Variants in ARMC6 observed in about 807,000 individuals in gnomAD.
ARMC6 encodes the protein armadillo repeat-containing protein 6.
Under a neutral mutation model 49.2 loss-of-function variants are expected in ARMC6, and 43 were observed. That is an observed-to-expected ratio of 0.87 (90% confidence interval 0.69 to 1.13). The LOEUF (loss-of-function observed/expected upper bound fraction) is 1.13. Among genes scored for constraint, ARMC6 ranks in the 50% most tolerant of loss-of-function variants. The pLI, the probability that ARMC6 is intolerant of heterozygous loss-of-function variation, is 0.00. For synonymous variants in ARMC6, 262 were observed against 289.6 expected, an observed-to-expected ratio of 0.90 and a Z score of 0.97; for missense variants, 627 against 682.0, an observed-to-expected ratio of 0.92 and a Z score of 0.90.
chr19:19,038,891 G>A (rs1213630696), intron 2 of ARMC6, among the ~76,000 whole-genome samples: 1 of 88,326 alleles, frequency 1.1e-5, no homozygotes, highest in African/African-American at 4.8e-5. Flanking sequence ...AGGTGGGTTT[G>A]TGTGTATACA....
In ARMC6 at chr19:19,043,973, C is replaced by T. The variant is rs768836803; in HGVS notation, c.197-19C>T. 2 of 1,611,946 alleles carry T rather than the reference C, an allele frequency of 1.2e-6. No homozygotes were observed. Among genetic ancestry groups the T allele is most frequent in the African/African-American group, 2.7e-5 (2 of 74,868 alleles). On this transcript the variant is annotated intron_variant, in intron 3 of 8. Coordinates refer to ENST00000535612, the MANE Select transcript of ARMC6 (RefSeq NM_001199196.2). ...TTTCTTTCTGACCCCTGTGTGCTTGCTTCCCCCACCCCCAACAGGGGTTGA... is the reference window on the plus strand; with the variant it reads ...TTTCTTTCTGACCCCTGTGTGCTTGTTTCCCCCACCCCCAACAGGGGTTGA...
chr19:19,039,760 G>A (rs1052880761), intron 2 of ARMC6, among the ~76,000 whole-genome samples: 43 of 152,140 alleles, frequency 2.8e-4, no homozygotes, highest in Admixed American at 2.3e-3. Flanking sequence ...ACCACCATGC[G>A]CACAGACCAT....
At chr19:19,054,419 G>A (rs549291312) in intron 6 of ARMC6, 98 bp downstream of exon 6, 665 of 1,286,338 alleles carry the variant, frequency 5.2e-4, no homozygotes, top group Non-Finnish European at 6.3e-4. Flanking sequence ...TGCCAGTGTC[G>A]GAACCAAAGT....
chr19:19,057,795 A>G lies in ARMC6; in HGVS notation c.*167A>G, dbSNP rs758826073. On this transcript the variant is annotated 3_prime_UTR_variant, in exon 9 of 9. Coordinates refer to ENST00000535612, the MANE Select transcript of ARMC6 (RefSeq NM_001199196.2). The stretch of plus-strand genomic sequence containing the variant: ...CGGGGGAGGGGGGAGCCTTGTAGGG[A>G]GGCCTCTACACAGAAGAAAGCAGCC... 1 of 816,168 alleles carries G rather than the reference A, an allele frequency of 1.2e-6. No homozygotes were observed. Among genetic ancestry groups the G allele is most frequent in the South Asian group, 1.3e-5 (1 of 74,502 alleles). The allele number at this position is 816,168 out of a possible 1,614,324, so 50.6% of individuals were successfully genotyped here.
In ARMC6 at chr19:19,052,104, C is replaced by T. The variant is rs374501191; in HGVS notation, c.762C>T (p.Asp254=). 1 of 1,613,944 alleles carries T rather than the reference C, an allele frequency of 6.2e-7. No homozygotes were observed. The highest frequency in any genetic ancestry group is 8.5e-7 in the Non-Finnish European group (1 of 1,180,046). The change falls in exon 5 of 9, where the codon GAC becomes GAT. Residue 254 remains aspartate (D), a synonymous_variant. Coordinates refer to ENST00000535612, the MANE Select transcript of ARMC6 (RefSeq NM_001199196.2). ...WALRVMTFDD[D]IRVPFGHAHN... ...TGCGTGTCATGACCTTCGATGACGA[C>T]ATCCGTGTGCCCTTTGGCCATGCCC...
chr19:19,038,894 T>C (rs1296018304), intron 2 of ARMC6, among the ~76,000 whole-genome samples: 2 of 82,944 alleles, frequency 2.4e-5, no homozygotes, highest in East Asian at 3.6e-4. Flanking sequence ...TGGGTTTGTG[T>C]GTATACACAC....
chr19:19,054,368 G>C (rs2059525747), intron 6 of ARMC6, 47 bp downstream of exon 6: 1 of 1,454,444 alleles, frequency 6.9e-7, no homozygotes, highest in Admixed American at 2.4e-5. Context: ...CTGGGTCCCA[G>C]TCAACCGGAC....
At chr19:19,056,057 C>T in intron 8 of ARMC6, 129 bp downstream of exon 8, 5 of 1,068,942 alleles carry the variant, frequency 4.7e-6, no homozygotes, top group South Asian at 2.4e-5. Context: ...ATCCCTATCC[C>T]TGTCCCTGTC....
chr19:19,055,872 G>C lies in ARMC6; in HGVS notation c.1237G>C (p.Gly413Arg). ...DNSRIIVEGGGAVAALQAMKA... is the reference protein window; with the variant it reads ...DNSRIIVEGGRAVAALQAMKA... ...CAGCCGCATCATCGTGGAGGGTGGC[G>C]GGGCTGTGGCAGCACTGCAGGCCAT... The change falls in exon 8 of 9, where the codon GGG (glycine) becomes CGG (arginine). Residue 413 changes from glycine (G) to arginine (R), a missense_variant. Transcript: ENST00000535612. This position sits in a 1 kb window ranked among gnomAD's most constrained non-coding sequence, Gnocchi z 5.7. The C allele has an allele frequency of 6.2e-7, 1 of 1,613,050 alleles. No individual in the cohort carries two copies. The highest frequency in any genetic ancestry group is 1.1e-5 in the South Asian group (1 of 91,022).
rs1385305689 is a variant in ARMC6 at position 19,057,521 on chromosome 19, G to A, written c.1399G>A (p.Ala467Thr). ...GGCACTCATCATGCAGGCCCGATCT[G>A]CCCACCGTGACTGTGAGGACGTGGC... is the stretch of plus-strand genomic sequence containing the variant. ...AEALIMQARSAHRDCEDVAKA... is the reference protein window; with the variant it reads ...AEALIMQARSTHRDCEDVAKA... The change falls in exon 9 of 9, where the codon GCC (alanine) becomes ACC (threonine). Residue 467 changes from alanine (A) to threonine (T), a missense_variant. Coordinates refer to ENST00000535612, the MANE Select transcript of ARMC6 (RefSeq NM_001199196.2). 12 of 1,613,986 alleles carry A rather than the reference G, an allele frequency of 7.4e-6. No individual in the cohort carries two copies. The highest frequency in any genetic ancestry group is 1.0e-5 in the Non-Finnish European group (12 of 1,180,012).
chr19:19,056,560 A>C (rs145364059), intron 8 of ARMC6, among the ~76,000 whole-genome samples: 2,194 of 152,040 alleles, frequency 0.014, 48 homozygotes, highest in African/African-American at 0.048. Context: ...CCGCACCCTT[A>C]ATCTCCTTTT....
In ARMC6 at chr19:19,051,689, G is replaced by C. The variant is rs754786135; in HGVS notation, c.347G>C (p.Arg116Pro). 2 of 1,613,658 alleles carry C rather than the reference G, an allele frequency of 1.2e-6. No homozygotes were observed. The highest frequency in any genetic ancestry group is 1.3e-5 in the African/African-American group (1 of 74,896). Residue 116 changes from arginine to proline, a missense_variant, in exon 5 of 9, where the codon CGC becomes CCC. By Grantham distance (103) the Arg-to-Pro change is moderately radical. Transcript: ENST00000535612. ...RPQEVSAYLT[R>P]FCDQCKQDKA... is the part of the protein sequence containing the mutation. The stretch of plus-strand genomic sequence containing the variant: ...CAGGAGGTGTCAGCATACCTCACCC[G>C]CTTCTGCGACCAGTGCAAACAGGAC...
In ARMC6 at chr19:19,046,979, ACTCTCACT is replaced by A. The variant is rs2059457398; in HGVS notation, c.279+2908_279+2915del. Among the ~76,000 whole-genome samples the A allele has an allele frequency of 5.8e-5, 7 of 120,610 alleles. 1 individual carries two copies. The South Asian group carries it at 1.9e-3, about 32-fold the overall frequency. The allele number at this position is 120,610 out of a possible 152,430, so 79.1% of individuals were successfully genotyped here. On this transcript the variant is annotated intron_variant, in intron 4 of 8. Coordinates refer to ENST00000535612, the MANE Select transcript of ARMC6 (RefSeq NM_001199196.2). ...TCTTTTTTTTTTTTTTTTGACACAA[ACTCTCACT>A]CTGTCACCCATGCTAGAGTGCAATG...
rs1228259282 is a variant in ARMC6, at chr19:19,052,096, G to A, written c.754G>A (p.Asp252Asn). The change falls in exon 5 of 9, where the codon GAT (aspartate) becomes AAT (asparagine). Residue 252 changes from aspartate (D) to asparagine (N), a missense_variant. Transcript: ENST00000535612. ...ACWALRVMTF[D>N]DDIRVPFGHA... ...CTGGGCCCTGCGTGTCATGACCTTC[G>A]ATGACGACATCCGTGTGCCCTTTGG... is the stretch of plus-strand genomic sequence containing the variant. 3.1e-6 allele frequency: 5 copies of A among 1,613,790 alleles called. No homozygotes were observed. In the South Asian group the frequency reaches 3.3e-5, roughly 11 times the overall value.
intron 4 of ARMC6, 69 bp downstream of exon 4, chr19:19,044,143 C>T (rs879817122): frequency 1.3e-5 from 19 of 1,469,576 alleles, no homozygotes; most frequent in Non-Finnish European, 1.8e-5. Flanking sequence ...TCCCTGTTTC[C>T]TGGATGGCAG....
At chr19:19,034,030 G>GAA (rs3214142) in intron 1 of ARMC6, 100 bp downstream of exon 1, 7,983 of 522,950 alleles carry the variant, frequency 0.015, 468 homozygotes, top group African/African-American at 0.14. Flanking sequence ...GGTTTGGGGG[G>GAA]AAAAAAAAAA....
chr19:19,051,926 C>G lies in ARMC6; in HGVS notation c.584C>G (p.Thr195Ser). 1 of 1,614,164 alleles carries G rather than the reference C, an allele frequency of 6.2e-7. No homozygotes were observed. The highest frequency in any genetic ancestry group is 8.5e-7 in the Non-Finnish European group (1 of 1,180,038). ...CAGAATGCTGATGAGGCTGACCTGA[C>G]CTGCTCTGGGATCCGCTGTGTGCGT... ...LTQNADEADL[T>S]CSGIRCVRHA... The change falls in exon 5 of 9, where the codon ACC becomes AGC. Residue 195 changes from threonine to serine, a missense_variant. By Grantham distance (58) the Thr-to-Ser change is moderately conservative (BLOSUM62 1). Transcript: ENST00000535612.
intron 4 of ARMC6, among the ~76,000 whole-genome samples, chr19:19,045,077 C>G (rs2039916826): frequency 1.3e-5 from 2 of 152,144 alleles, no homozygotes; most frequent in Admixed American, 6.5e-5. Context: ...CTGGCGTGAT[C>G]TCAGCTCACT....
chr19:19,039,696 A>G (rs137976303), intron 2 of ARMC6, among the ~76,000 whole-genome samples: 1 of 152,310 alleles, frequency 6.6e-6, no homozygotes, highest in Admixed American at 6.5e-5. Flanking sequence ...TTTGAGGTCT[A>G]TCTCCATTGT....
Sources: gnomAD v4.1 joint callset for allele counts (sites outside exome capture counted in the v4.1 genomes callset) on GRCh38, gnomAD v4.1.1 for gene constraint, Gnocchi (gnomAD v3.1) non-coding constraint, MANE v1.5 for transcripts, NCBI Gene and HGNC (gene_info 2026-07-23, HGNC 2026-07-21) for gene names.